The following P4HB variants were observed in gnomAD, a reference collection of about 807,000 sequenced individuals.
P4HB encodes the protein prolyl 4-hydroxylase subunit beta, also known as protein disulfide-isomerase.
In P4HB, 20 loss-of-function variants were observed where a neutral mutation model predicts 52.6. The observed-to-expected ratio is 0.38, with a 90% CI of 0.27 to 0.55. The LOEUF is 0.55. Among genes scored for constraint, P4HB ranks in the 20% least tolerant of loss-of-function variants. The pLI is 0.74. For missense variants in P4HB, 601 were observed against 669.2 expected, an observed-to-expected ratio of 0.90 and a Z score of 1.12; for synonymous variants, 296 against 277.9, an observed-to-expected ratio of 1.07 and a Z score of -0.65.
chr17:81,845,457 C>T (rs2038718948), intron 9 of P4HB, 104 bp downstream of exon 9: 7 of 1,182,906 alleles, frequency 5.9e-6, no homozygotes, highest in Admixed American at 2.6e-5. Context: ...GCTCTTCTCC[C>T]ACCTGACTAG....
chr17:81,847,098 G>T (rs1284640373), intron 5 of P4HB, 26 bp from the exon 6 acceptor site: 4 of 1,613,594 alleles, frequency 2.5e-6, no homozygotes, highest in Non-Finnish European at 3.4e-6. Context: ...AAGTTACTGG[G>T]TCTGAGTCAC....
intron 2 of P4HB, among the ~76,000 whole-genome samples, chr17:81,857,035 G>A (rs551409832): frequency 5.9e-5 from 9 of 152,200 alleles, no homozygotes; most frequent in East Asian, 3.9e-4. Context: ...CGCCCACCTC[G>A]GCCTTCCAAA....
At chr17:81,844,865 C>T (rs980576249) in intron 10 of P4HB, among the ~76,000 whole-genome samples, 1 of 152,250 alleles carries the variant, frequency 6.6e-6, no homozygotes, top group African/African-American at 2.4e-5. Context: ...GGAACCGGTG[C>T]CATGTGTCTG....
At chr17:81,851,352 G>C (rs1009655366) in intron 4 of P4HB, among the ~76,000 whole-genome samples, 1 of 152,248 alleles carries the variant, frequency 6.6e-6, no homozygotes, top group African/African-American at 2.4e-5. Context: ...TCTTGTGCAC[G>C]CTGTGCCTGG....
At position 81,855,087 on chromosome 17, in the gene P4HB, C is replaced by A. The variant is rs1300688486; in HGVS notation, c.624+55G>T. On this transcript the variant is annotated intron_variant, in intron 4 of 10. Coordinates refer to ENST00000331483, the MANE Select transcript of P4HB (RefSeq NM_000918.4). This position sits in a 1 kb window ranked among gnomAD's most constrained non-coding sequence, Gnocchi z 4.3. ...TTAACGATAAGGAGAGCAACGCCAC[C>A]CTCTGCAGACCAACCCCAGAACTAA... 1.3e-6 allele frequency: 2 copies of A among 1,583,126 alleles called. No individual in the cohort carries two copies. Among genetic ancestry groups the A allele is most frequent in the African/African-American group, 2.7e-5 (2 of 74,258 alleles).
chr17:81,859,694 G>A (rs1236419683), intron 1 of P4HB: 34 of 432,150 alleles, frequency 7.9e-5, no homozygotes, highest in Admixed American at 3.6e-5. Context: ...AGGCAACTAA[G>A]GCAAGGATCT....
intron 4 of P4HB, among the ~76,000 whole-genome samples, chr17:81,851,732 G>A (rs2038834233): frequency 2.0e-5 from 3 of 152,216 alleles, no homozygotes; most frequent in African/African-American, 7.2e-5. Context: ...GCCAGGAGGA[G>A]ACACTGCCGC....
chr17:81,846,288 G>A lies in P4HB; in HGVS notation c.1056+141C>T. The A allele has an allele frequency of 1.2e-6, 1 of 801,190 alleles. No homozygotes were observed. The highest frequency in any genetic ancestry group is 2.0e-6 in the Non-Finnish European group (1 of 495,102). 49.6% of individuals were successfully genotyped at this position (801,190 alleles called of 1,614,324 possible). A position where few individuals can be genotyped will look rare whatever the true frequency, so the allele number is the denominator to read the frequency against. On this transcript the variant is annotated intron_variant, in intron 7 of 10. Transcript: ENST00000331483. This position sits in a 1 kb window ranked among gnomAD's most constrained non-coding sequence, Gnocchi z 5.7. ...TCCCCAAAGGTGTGACAAGAATGGT[G>A]GTCTTCACACCATCTTGGGCTCCGT...
Position 81,857,305 on chromosome 17 carries a change from G to A in P4HB, c.353-1719C>T, listed in dbSNP as rs144246863. On this transcript the variant is annotated intron_variant, in intron 2 of 10. Transcript: ENST00000331483. The stretch of plus-strand genomic sequence containing the variant: ...TGGGATTACAGACGTGCACCACCAC[G>A]CCCGGCTAATTTTTGTATTTTTAGT... Among the ~76,000 whole-genome samples the A allele has an allele frequency of 3.6e-3, 545 of 152,080 alleles. 22 individuals are homozygous for A. In the East Asian group the frequency reaches 0.098, roughly 27 times the overall value.
At chr17:81,845,513 C>T (rs887592176) in intron 9 of P4HB, 48 bp downstream of exon 9, 12 of 1,518,712 alleles carry the variant, frequency 7.9e-6, no homozygotes, top group Non-Finnish European at 1.1e-5. Flanking sequence ...GTGGGGACCA[C>T]TGCTCTTCCC....
chr17:81,860,088 G>A (rs1340401530), intron 1 of P4HB: 2 of 380,368 alleles, frequency 5.3e-6, no homozygotes, highest in African/African-American at 2.1e-5. Context: ...TGTTCTTCTC[G>A]CACTAACAGG....
At chr17:81,858,984 C>G (rs2038957051) in intron 2 of P4HB, 197 bp downstream of exon 2, 4 of 591,742 alleles carry the variant, frequency 6.8e-6, no homozygotes, top group Admixed American at 2.9e-5. Context: ...GTTCTCCATT[C>G]GAAGGTTCTT....
chr17:81,846,799 G>A lies in P4HB; in HGVS notation c.855+148C>T. On this transcript the variant is annotated intron_variant, in intron 6 of 10. Transcript: ENST00000331483. This position sits in a 1 kb window ranked among gnomAD's most constrained non-coding sequence, Gnocchi z 5.7. ...CTGGGAGCAGAGGTCTGGCCTGGCT[G>A]GCCCCTCGCCTACATCCAGGCTGTC... is the stretch of plus-strand genomic sequence containing the variant. 1 of 1,233,088 alleles carries A rather than the reference G, an allele frequency of 8.1e-7. No homozygotes were observed. Among genetic ancestry groups the A allele is most frequent in the Non-Finnish European group, 1.2e-6 (1 of 865,276 alleles). The allele number at this position is 1,233,088 out of a possible 1,614,324, so 76.4% of individuals were successfully genotyped here. A position where few individuals can be genotyped will look rare whatever the true frequency, so the allele number is the denominator to read the frequency against.
intron 2 of P4HB, among the ~76,000 whole-genome samples, chr17:81,857,640 C>A (rs533509070): frequency 1.3e-5 from 2 of 152,184 alleles, no homozygotes; most frequent in African/African-American, 4.8e-5. Flanking sequence ...TTATCCCAGG[C>A]GTTTCGGGAG....
At chr17:81,853,119 G>A (rs149427279) in intron 4 of P4HB, among the ~76,000 whole-genome samples, 1 of 152,198 alleles carries the variant, frequency 6.6e-6, no homozygotes, top group African/African-American at 2.4e-5. Flanking sequence ...AGCATCTACT[G>A]TCTTGAGTTA....
rs2038982548 is a variant in P4HB, at chr17:81,860,475, G to A, written c.-4C>T. On this transcript the variant is annotated 5_prime_UTR_variant, in exon 1 of 11. Transcript: ENST00000331483. The stretch of plus-strand genomic sequence containing the variant: ...ACAGCAGAGCGCGGCGCAGCATGTC[G>A]GACACGGATCAGGCGGGGCGCTTCG... The A allele has an allele frequency of 2.3e-6, 3 of 1,310,898 alleles. No homozygotes were observed. Among genetic ancestry groups the A allele is most frequent in the South Asian group, 2.2e-5 (1 of 45,916 alleles). The allele number at this position is 1,310,898 out of a possible 1,614,324, so 81.2% of individuals were successfully genotyped here.
chr17:81,847,112 C>T lies in P4HB; in HGVS notation c.730-40G>A, dbSNP rs1452634182. On this transcript the variant is annotated intron_variant, in intron 5 of 10. Transcript: ENST00000331483. ...TAAGTTACTGGGTCTGAGTCACACACTATTAATGCAGAAGATTCTCCCAAT... is the reference window on the plus strand; with the variant it reads ...TAAGTTACTGGGTCTGAGTCACACATTATTAATGCAGAAGATTCTCCCAAT... 8 of 1,612,910 alleles carry T rather than the reference C, an allele frequency of 5.0e-6. No homozygotes were observed. The highest frequency in any genetic ancestry group is 6.8e-6 in the Non-Finnish European group (8 of 1,179,140).
chr17:81,860,214 A>C, intron 1 of P4HB, 113 bp downstream of exon 1: 1 of 881,810 alleles, frequency 1.1e-6, no homozygotes. Flanking sequence ...GGAGCCCTTC[A>C]GTTCCGGGCG....
At chr17:81,845,825 G>T (rs199828535) in intron 8 of P4HB, 46 bp downstream of exon 8, 5 of 1,613,906 alleles carry the variant, frequency 3.1e-6, no homozygotes, top group Non-Finnish European at 4.2e-6. Flanking sequence ...TACCTTGCGC[G>T]TGCCCTGGTG....
Sources: gnomAD v4.1 joint callset for allele counts (sites outside exome capture counted in the v4.1 genomes callset) on GRCh38, gnomAD v4.1.1 for gene constraint, Gnocchi (gnomAD v3.1) non-coding constraint, MANE v1.5 for transcripts, NCBI Gene and HGNC (gene_info 2026-07-23, HGNC 2026-07-21) for gene names.